TYW1: variants seen among roughly 807,000 people sequenced by gnomAD.
The protein encoded by TYW1 is S-adenosyl-L-methionine-dependent tRNA 4-demethylwyosine synthase TYW1.
TYW1 carries 46 observed loss-of-function variants against 96.2 expected under a neutral mutation model. The observed-to-expected ratio is 0.48, with a 90% confidence interval of 0.38 to 0.61. The LOEUF is 0.61. Among genes scored for constraint, TYW1 ranks in the 20% least tolerant of loss-of-function variants. The probability of loss-of-function intolerance (pLI) is 0.00; values close to 1 mark genes in which losing one functional copy is unlikely to be tolerated. For missense variants in TYW1, 684 were observed against 909.6 expected (o/e 0.75, Z 3.19); for synonymous variants, 274 against 323.0 (o/e 0.85, Z 1.63).
chr7:67,076,926 C>T (rs1047034629), intron 10 of TYW1, among the ~76,000 whole-genome samples: 1 of 152,016 alleles, frequency 6.6e-6, no homozygotes, highest in Non-Finnish European at 1.5e-5. Flanking sequence ...AGGCTCGTGC[C>T]ACCACCTGGC....
At chr7:67,165,823 G>C (rs146339634) in intron 13 of TYW1, among the ~76,000 whole-genome samples, 3 of 152,154 alleles carry the variant, frequency 2.0e-5, no homozygotes, top group Non-Finnish European at 4.4e-5. Context: ...CCAGCTGTTT[G>C]GGGGGCTGAG....
intron 4 of TYW1, among the ~76,000 whole-genome samples, chr7:67,010,303 A>G (rs1273078338): frequency 2.7e-5 from 4 of 149,810 alleles, no homozygotes; most frequent in African/African-American, 9.8e-5. Flanking sequence ...GGCCCCTACT[A>G]TTTTTATTTT....
At chr7:67,063,551 C>T (rs60666480) in intron 9 of TYW1, among the ~76,000 whole-genome samples, 49,217 of 151,064 alleles carry the variant, frequency 0.33, 8,445 homozygotes, top group African/African-American at 0.44. Context: ...TTCCTAGAAC[C>T]TGAGTTCAGC....
intron 13 of TYW1, among the ~76,000 whole-genome samples, chr7:67,157,168 A>T (rs914112168): frequency 1.3e-5 from 2 of 152,098 alleles, no homozygotes; most frequent in African/African-American, 2.4e-5. Flanking sequence ...TTACAGAAAA[A>T]TTACAAAGAT....
intron 9 of TYW1, among the ~76,000 whole-genome samples, chr7:67,064,754 C>CA (rs1795808765): frequency 6.6e-6 from 1 of 152,036 alleles, no homozygotes; most frequent in Admixed American, 6.5e-5. Context: ...TTCAAGTTGA[C>CA]ATTTGAGTGG....
At chr7:67,067,474 A>C in intron 10 of TYW1, 71 bp downstream of exon 10, 1 of 1,533,090 alleles carries the variant, frequency 6.5e-7, no homozygotes, top group Non-Finnish European at 9.0e-7. Flanking sequence ...CCCAGCTCAC[A>C]CTCAGACTTA....
In TYW1 at chr7:66,998,192, G is replaced by T. The variant is rs374689828; in HGVS notation, c.132G>T (p.Thr44=). The T allele has an allele frequency of 3.1e-6, 5 of 1,601,500 alleles. No homozygotes were observed. The highest frequency in any genetic ancestry group is 1.1e-5 in the South Asian group (1 of 87,384). The change falls in exon 2 of 16, where the codon ACG becomes ACT. Residue 44 remains threonine, a synonymous_variant. Transcript: ENST00000359626. Reference sequence around the variant, plus strand: ...TTTGTGTCCAGATTGTCATCAAGACGCAGGTAAGTGGAGTTATTTTTTTTT... The same window carrying T: ...TTTGTGTCCAGATTGTCATCAAGACTCAGGTAAGTGGAGTTATTTTTTTTT... The part of the protein sequence containing the change: ...LWICVQIVIK[T]QGKNLQEKSV...
intron 3 of TYW1, 131 bp downstream of exon 3, chr7:66,999,085 T>G: frequency 3.1e-6 from 3 of 952,558 alleles, no homozygotes; most frequent in Non-Finnish European, 4.7e-6. Flanking sequence ...CTTTATTCTT[T>G]CTCCCAGCCT....
intron 13 of TYW1, among the ~76,000 whole-genome samples, chr7:67,137,102 C>A (rs143826168): frequency 6.6e-6 from 1 of 150,870 alleles, no homozygotes; most frequent in Non-Finnish European, 1.5e-5. Flanking sequence ...TGTGAGCCAC[C>A]GCGCCTGGCC....
Position 67,239,100 on chromosome 7 carries a change from CA to C in TYW1, c.*573del, listed in dbSNP as rs1414237923. 2.0e-6 allele frequency: 2 copies of C among 986,248 alleles called. No individual in the cohort carries two copies. Among genetic ancestry groups the C allele is most frequent in the Non-Finnish European group, 2.4e-6 (2 of 830,520 alleles). The allele number at this position is 986,248 out of a possible 1,614,324, so 61.1% of individuals were successfully genotyped here. On this transcript the variant is annotated 3_prime_UTR_variant, in exon 16 of 16. Coordinates refer to ENST00000359626, the MANE Select transcript of TYW1 (RefSeq NM_018264.4). The stretch of plus-strand genomic sequence containing the variant: ...CATAGATTGAGTTTTGGTTTATTAC[CA>C]ACCCTTCCCAGAATTGCGTTGGATC...
intron 13 of TYW1, among the ~76,000 whole-genome samples, chr7:67,122,543 C>G (rs191806544): frequency 6.6e-6 from 1 of 152,208 alleles, no homozygotes; most frequent in Non-Finnish European, 1.5e-5. Context: ...GACCTTAACA[C>G]AGTAATTAAC....
At chr7:67,199,892 A>G (rs545139303) in intron 15 of TYW1, among the ~76,000 whole-genome samples, 2 of 150,416 alleles carry the variant, frequency 1.3e-5, no homozygotes, top group South Asian at 4.3e-4. Flanking sequence ...ACAGAGCGAG[A>G]ACCCATCAAG....
At chr7:67,035,267 T>C (rs1007025294) in intron 7 of TYW1, among the ~76,000 whole-genome samples, 28 of 152,042 alleles carry the variant, frequency 1.8e-4, no homozygotes, top group Non-Finnish European at 3.5e-4. Flanking sequence ...TACAGGTGCA[T>C]GCCACCATGC....
chr7:67,035,140 A>G lies in TYW1; in HGVS notation c.984+10118A>G, dbSNP rs186922548. Reference sequence around the variant, plus strand: ...CATTTCTTTCTTTTTTTTTTTTGAGATGGAGTCTTGCTCTGTTGCCCAGGC... The same window carrying G: ...CATTTCTTTCTTTTTTTTTTTTGAGGTGGAGTCTTGCTCTGTTGCCCAGGC... On this transcript the variant is annotated intron_variant, in intron 7 of 15. Coordinates refer to ENST00000359626, the MANE Select transcript of TYW1 (RefSeq NM_018264.4). 3.6e-3 allele frequency among the ~76,000 whole-genome samples: 504 copies of G among 141,190 alleles called. 4 individuals are homozygous for G. The highest frequency in any genetic ancestry group is 0.012 in the African/African-American group (462 of 37,840). The allele number at this position is 141,190 out of a possible 152,430, so 92.6% of individuals were successfully genotyped here. A position where few individuals can be genotyped will look rare whatever the true frequency, so the allele number is the denominator to read the frequency against.
intron 13 of TYW1, among the ~76,000 whole-genome samples, chr7:67,137,967 GTT>G (rs1236197867): frequency 1.3e-5 from 2 of 152,176 alleles, no homozygotes; most frequent in African/African-American, 4.8e-5. Context: ...CCGAAAAAGA[GTT>G]TTGGACTAAG....
chr7:67,127,877 G>A (rs1177212685), intron 13 of TYW1, among the ~76,000 whole-genome samples: 2 of 151,988 alleles, frequency 1.3e-5, no homozygotes, highest in African/African-American at 2.4e-5. Context: ...TCACCCTGCC[G>A]TCTCCTTGCT....
intron 15 of TYW1, among the ~76,000 whole-genome samples, chr7:67,235,546 C>T (rs1273366063): frequency 6.6e-6 from 1 of 152,138 alleles, no homozygotes; most frequent in Admixed American, 6.5e-5. Context: ...CTCAAGATGT[C>T]AGTAGAACGG....
At chr7:67,102,836 A>G (rs1405507840) in intron 12 of TYW1, among the ~76,000 whole-genome samples, 2 of 151,748 alleles carry the variant, frequency 1.3e-5, no homozygotes, top group African/African-American at 2.4e-5. Context: ...TATTTTTAGT[A>G]GAGACGGGTT....
At chr7:67,073,924 T>C (rs1344217499) in intron 10 of TYW1, among the ~76,000 whole-genome samples, 1 of 147,652 alleles carries the variant, frequency 6.8e-6, no homozygotes. Flanking sequence ...CCACTAAAAA[T>C]AGAAAACATT....
Sources: allele counts gnomAD v4.1 joint callset (sites outside exome capture counted in the v4.1 genomes callset), GRCh38; gene constraint gnomAD v4.1.1; transcripts MANE v1.5; gene names NCBI Gene and HGNC (gene_info 2026-07-23, HGNC 2026-07-21).